NEB: variants seen among roughly 807,000 people sequenced by gnomAD.
NEB encodes the protein nebulin, also known as nemaline myopathy type 2.
A neutral mutation model predicts 952.2 loss-of-function variants in NEB; 512 were observed. The ratio of observed to expected loss-of-function variants is 0.54; its 90% CI spans 0.50 to 0.58. NEB has a LOEUF of 0.58. Among genes scored for constraint, NEB ranks in the 20% least tolerant of loss-of-function variants. The probability of loss-of-function intolerance (pLI) is 0.00; values close to 1 mark genes in which losing one functional copy is unlikely to be tolerated. For synonymous variants in NEB, 2,900 were observed against 3,149.8 expected (o/e 0.92, Z 2.66); for missense variants, 8,428 against 9,231.1 (o/e 0.91, Z 3.56).
intron 34 of NEB, 75 bp downstream of exon 34, chr2:151,677,490 A>C (rs1192994650): frequency 8.9e-7 from 1 of 1,129,558 alleles, no homozygotes; most frequent in East Asian, 2.7e-5. Context: ...CAGAAAAAAA[A>C]TATATTGGGC....
chr2:151,681,817 ATACAT>A (rs968455435), intron 29 of NEB, among the ~76,000 whole-genome samples: 23 of 152,182 alleles, frequency 1.5e-4, no homozygotes, highest in Non-Finnish European at 1.2e-4. Flanking sequence ...ATTATAATTT[ATACAT>A]TACTTCAAAG....
At position 151,531,098 on chromosome 2, in the gene NEB, G is replaced by C; in HGVS notation, c.21526C>G (p.Leu7176Val). ...GCCTTGTTGTATTCCAATTTATAAA[G>C]GATCTGAAAGATCAAAAAGCAGAAA... ...TKVNKQISDILYKLEYNKAKP... is the reference protein window; with the variant it reads ...TKVNKQISDIVYKLEYNKAKP... The change falls in exon 145 of 182, where the codon CTT becomes GTT. Residue 7176 changes from leucine to valine, a missense_variant. Physicochemically the swap from Leu to Val is conservative, Grantham distance 32. Transcript: ENST00000397345. 6.3e-7 allele frequency: 1 copy of C among 1,595,490 alleles called. No individual in the cohort carries two copies. Among genetic ancestry groups the C allele is most frequent in the Non-Finnish European group, 8.6e-7 (1 of 1,164,416 alleles).
Position 151,644,463 on chromosome 2 carries a change from C to G in NEB, c.7644+5G>C. On this transcript the variant is annotated splice_donor_5th_base_variant and intron_variant, in intron 56 of 181. Coordinates refer to ENST00000397345, the MANE Select transcript of NEB (RefSeq NM_001164508.2). ...AATCAATATCAACAGAGGATAAAAT[C>G]TTACTTCACTGGCAATTTCCCGGGA... 2 of 1,605,114 alleles carry G rather than the reference C, an allele frequency of 1.2e-6. No homozygotes were observed. Among genetic ancestry groups the G allele is most frequent in the Non-Finnish European group, 1.7e-6 (2 of 1,172,000 alleles).
intron 10 of NEB, among the ~76,000 whole-genome samples, chr2:151,716,822 C>T (rs546748774): frequency 6.6e-6 from 1 of 152,206 alleles, no homozygotes; most frequent in Non-Finnish European, 1.5e-5. Flanking sequence ...TGATTTGGAC[C>T]AATTTAAAAT....
Position 151,485,357 on chromosome 2 carries a change from T to TATGAGTTGCAGA in NEB, c.*402_*403insTCTGCAACTCAT, listed in dbSNP as rs1384893217. Reference sequence around the variant, plus strand: ...CACAGAGTTGCAGAATTAGAGGTTTTATTAGTTGCTGGTTTGTATTGATTA... The same window carrying TATGAGTTGCAGA: ...CACAGAGTTGCAGAATTAGAGGTTTTATGAGTTGCAGAATTAGTTGCTGGTTTGTATTGATTA... On this transcript the variant is annotated 3_prime_UTR_variant, in exon 182 of 182. Transcript: ENST00000397345. 2 of 155,642 alleles carry TATGAGTTGCAGA rather than the reference T, an allele frequency of 1.3e-5. No homozygotes were observed. Among genetic ancestry groups the TATGAGTTGCAGA allele is most frequent in the East Asian group, 3.8e-4 (2 of 5,332 alleles). The allele number at this position is 155,642 out of a possible 1,614,324, so 9.6% of individuals were successfully genotyped here.
intron 63 of NEB, among the ~76,000 whole-genome samples, chr2:151,638,805 CTCTG>C (rs774334268): frequency 3.1e-3 from 240 of 77,212 alleles, no homozygotes; most frequent in East Asian, 0.025. Context: ...ATTTCTCTCT[CTCTG>C]TGTGTGTGTG....
At chr2:151,718,941 G>A (rs2099766733) in intron 9 of NEB, among the ~76,000 whole-genome samples, 1 of 152,096 alleles carries the variant, frequency 6.6e-6, no homozygotes. Flanking sequence ...GCCCTCAGAT[G>A]CTTCACGGCC....
intron 72 of NEB, among the ~76,000 whole-genome samples, chr2:151,620,347 G>A (rs55894710): frequency 0.19 from 8,485 of 45,242 alleles, 748 homozygotes; most frequent in Non-Finnish European, 0.22. Context: ...GTATGTGTGT[G>A]TATATATATA....
intron 52 of NEB, among the ~76,000 whole-genome samples, chr2:151,652,195 A>T (rs918739151): frequency 6.6e-6 from 1 of 152,106 alleles, no homozygotes; most frequent in East Asian, 1.9e-4. Context: ...CAAAGAAATG[A>T]CCTGCCCTGA....
intron 65 of NEB, 26 bp from the exon 66 acceptor site, chr2:151,631,372 C>T (rs1157637509): frequency 6.3e-7 from 1 of 1,595,744 alleles, no homozygotes; most frequent in Non-Finnish European, 8.6e-7. Context: ...AAGTCAAAAA[C>T]TCTTCATCAA....
At chr2:151,722,406 G>C (rs1334260321) in intron 9 of NEB, among the ~76,000 whole-genome samples, 1 of 152,134 alleles carries the variant, frequency 6.6e-6, no homozygotes, top group African/African-American at 2.4e-5. Flanking sequence ...CAGTTTTCAA[G>C]GTCTAGGATA....
At chr2:151,536,832 G>A (rs1375853589) in intron 141 of NEB, among the ~76,000 whole-genome samples, 3 of 152,164 alleles carry the variant, frequency 2.0e-5, no homozygotes, top group African/African-American at 7.2e-5. Flanking sequence ...TATATTGGCT[G>A]TCATATCAGC....
intron 36 of NEB, among the ~76,000 whole-genome samples, chr2:151,673,827 G>A (rs1388273726): frequency 2.0e-5 from 3 of 149,372 alleles, no homozygotes; most frequent in Admixed American, 6.7e-5. Context: ...TCCGCCTCCC[G>A]GGTTCACGCC....
At chr2:151,516,161 T>C (rs1412902753) in intron 157 of NEB, among the ~76,000 whole-genome samples, 1 of 152,182 alleles carries the variant, frequency 6.6e-6, no homozygotes, top group Non-Finnish European at 1.5e-5. Context: ...TTTTCATTCA[T>C]AAAGGAAAAT....
chr2:151,688,415 T>A lies in NEB; in HGVS notation c.2311-19A>T. 6.3e-7 allele frequency: 1 copy of A among 1,590,184 alleles called. No individual in the cohort carries two copies. Among genetic ancestry groups the A allele is most frequent in the Non-Finnish European group, 8.6e-7 (1 of 1,158,994 alleles). On this transcript the variant is annotated intron_variant, in intron 24 of 181. Transcript: ENST00000397345. Reference sequence around the variant, plus strand: ...AATTCAGCTGAAAAACAAAGGATATTTGAACGGTTCAGGGGAACTTCTTTG... The same window carrying A: ...AATTCAGCTGAAAAACAAAGGATATATGAACGGTTCAGGGGAACTTCTTTG...
intron 107 of NEB, among the ~76,000 whole-genome samples, chr2:151,573,579 C>T (rs957401721): frequency 6.6e-5 from 10 of 152,164 alleles, no homozygotes; most frequent in Non-Finnish European, 8.8e-5. Flanking sequence ...ACATTAGTCC[C>T]CAAGTGGCTC....
intron 153 of NEB, among the ~76,000 whole-genome samples, chr2:151,523,101 T>G (rs550721502): frequency 6.6e-6 from 1 of 152,120 alleles, no homozygotes; most frequent in East Asian, 1.9e-4. Flanking sequence ...TGATATGACC[T>G]TGTACATTTA....
At chr2:151,533,611 A>C (rs966125900) in intron 142 of NEB, 65 bp from the exon 143 acceptor site, 6 of 1,023,874 alleles carry the variant, frequency 5.9e-6, no homozygotes, top group Admixed American at 2.0e-5. Flanking sequence ...ACACGGCTCT[A>C]TATCCCAATC....
rs570924936 is a variant in NEB, at chr2:151,514,762, G to T, written c.23016+56C>A. Reference sequence around the variant, plus strand: ...TGGTAGGAGGAACACATTAATGAGTGTCACTAGTGCAATTATTTGGATTAA... The same window carrying T: ...TGGTAGGAGGAACACATTAATGAGTTTCACTAGTGCAATTATTTGGATTAA... On this transcript the variant is annotated intron_variant, in intron 158 of 181. Transcript: ENST00000397345. The T allele has an allele frequency of 1.7e-4, 201 of 1,207,284 alleles. No individual in the cohort carries two copies. The African/African-American group carries it at 2.8e-3, about 17-fold the overall frequency. 74.8% of individuals were successfully genotyped at this position (1,207,284 alleles called of 1,614,324 possible).
Sources: allele counts gnomAD v4.1 joint callset (sites outside exome capture counted in the v4.1 genomes callset), GRCh38; gene constraint gnomAD v4.1.1; transcripts MANE v1.5; gene names NCBI Gene and HGNC (gene_info 2026-07-23, HGNC 2026-07-21).